Variants in ZNF727 observed in about 807,000 individuals in gnomAD.
ZNF727 encodes putative zinc finger protein 727.
A neutral mutation model predicts 11.5 loss-of-function variants in ZNF727; 11 were observed. The ratio of observed to expected loss-of-function variants is 0.95; its 90% CI spans 0.60 to 1.58. ZNF727 has a LOEUF of 1.58. Ranked by LOEUF, ZNF727 falls within the 40% of genes most tolerant of loss-of-function variation. The pLI is 0.00. For missense variants in ZNF727, 533 were observed against 581.7 expected (o/e 0.92, Z 0.86); for synonymous variants, 171 against 196.1 (o/e 0.87, Z 1.07).
chr7:64,066,318 G>A (rs575696115), intron 1 of ZNF727, among the ~76,000 whole-genome samples: 26 of 152,054 alleles, frequency 1.7e-4, no homozygotes, highest in Non-Finnish European at 3.4e-4. Context: ...AATTTTATAT[G>A]GAACCAAAAA....
At chr7:64,064,026 T>C (rs1789823742) in intron 1 of ZNF727, among the ~76,000 whole-genome samples, 1 of 152,100 alleles carries the variant, frequency 6.6e-6, no homozygotes, top group South Asian at 2.1e-4. Context: ...TTCAGGGCAG[T>C]GGGTTCTTCT....
chr7:64,077,987 A>T lies in ZNF727; in HGVS notation c.938A>T (p.Lys313Ile). The change falls in exon 4 of 4, where the codon AAA becomes ATA. Residue 313 changes from lysine to isoleucine, a missense_variant. Lys to Ile is a moderately radical substitution (Grantham distance 102). This residue lies in a region of ZNF727 where 463 missense variants were observed against 494.5 expected (regional missense o/e 0.94). Transcript: ENST00000456806. ...KRIHTGEKPYKCNECGKAFMW... is the reference protein window; with the variant it reads ...KRIHTGEKPYICNECGKAFMW... ...ATTCATACTGGAGAGAAACCCTACA[A>T]ATGTAATGAATGTGGAAAAGCTTTT... The T allele has an allele frequency of 6.2e-7, 1 of 1,601,412 alleles. No individual in the cohort carries two copies. Among genetic ancestry groups the T allele is most frequent in the Non-Finnish European group, 8.5e-7 (1 of 1,173,468 alleles).
rs1562800110 is a variant in ZNF727, at chr7:64,080,892, G to GTTTTTGT, written c.*2348_*2349insGTTTTTT. Among the ~76,000 whole-genome samples, 136 of 139,618 alleles carry GTTTTTGT rather than the reference G, an allele frequency of 9.7e-4. No homozygotes were observed. The highest frequency in any genetic ancestry group is 3.2e-3 in the African/African-American group (122 of 37,692). The allele number at this position is 139,618 out of a possible 152,430, so 91.6% of individuals were successfully genotyped here. A position where few individuals can be genotyped will look rare whatever the true frequency, so the allele number is the denominator to read the frequency against. On this transcript the variant is annotated 3_prime_UTR_variant, in exon 4 of 4. Transcript: ENST00000456806. The stretch of plus-strand genomic sequence containing the variant: ...TTTTTGTTTTTTGTTTTTTGTTTTT[G>GTTTTTGT]TTTTTTTTTTTGTGGTGGTGGAGGG...
chr7:64,059,287 G>A (rs1385369835), intron 1 of ZNF727, among the ~76,000 whole-genome samples: 1 of 152,090 alleles, frequency 6.6e-6, no homozygotes, highest in African/African-American at 2.4e-5. Context: ...TACACTCTTA[G>A]GTTGAAAAGG....
intron 1 of ZNF727, among the ~76,000 whole-genome samples, chr7:64,045,865 A>C (rs140862834): frequency 1.3e-5 from 2 of 152,232 alleles, no homozygotes; most frequent in East Asian, 3.9e-4. Context: ...CTTTTTGGGC[A>C]GCTCTGTGTC....
intron 1 of ZNF727, among the ~76,000 whole-genome samples, chr7:64,060,852 C>T (rs1789759361): frequency 6.6e-6 from 1 of 151,470 alleles, no homozygotes; most frequent in Admixed American, 6.6e-5. Flanking sequence ...CTTAGTACTT[C>T]TTTCACTTAT....
At chr7:64,072,663 A>G (rs2116320004) in intron 3 of ZNF727, among the ~76,000 whole-genome samples, 1 of 152,258 alleles carries the variant, frequency 6.6e-6, no homozygotes, top group African/African-American at 2.4e-5. Flanking sequence ...CTCCTTGACT[A>G]TGGCTGGAAG....
rs1462225606 is a variant in ZNF727 at position 64,080,873 on chromosome 7, TTTTTTGTTTTTTG to T, written c.*2337_*2349del. Among the ~76,000 whole-genome samples the T allele has an allele frequency of 6.6e-6, 1 of 150,816 alleles. No homozygotes were observed. The highest frequency in any genetic ancestry group is 1.5e-5 in the Non-Finnish European group (1 of 67,940). On this transcript the variant is annotated 3_prime_UTR_variant, in exon 4 of 4. Transcript: ENST00000456806. ...AGGCTTTGTTCCTGGGAGTTTTTTG[TTTTTTGTTTTTTG>T]TTTTTGTTTTTTTTTTTGTGGTGGT...
chr7:64,055,880 A>C (rs1789677749), intron 1 of ZNF727, among the ~76,000 whole-genome samples: 1 of 152,226 alleles, frequency 6.6e-6, no homozygotes, highest in Admixed American at 6.5e-5. Flanking sequence ...TTTAGTAATG[A>C]AATAGCTGGA....
chr7:64,047,542 A>G (rs924194992), intron 1 of ZNF727, among the ~76,000 whole-genome samples: 1 of 152,078 alleles, frequency 6.6e-6, no homozygotes, highest in Non-Finnish European at 1.5e-5. Flanking sequence ...TCCAAGTATT[A>G]CAGCTTTCTG....
intron 1 of ZNF727, among the ~76,000 whole-genome samples, chr7:64,067,959 T>C (rs1356550574): frequency 6.6e-6 from 1 of 152,144 alleles, no homozygotes; most frequent in Non-Finnish European, 1.5e-5. Context: ...CATTAGAGAT[T>C]ACAGAACATG....
rs144333465 is a variant in ZNF727, at chr7:64,072,531, A to G, written c.226+2922A>G. ...GCAGAACTGGCCACAAACTGTGACT[A>G]TCGGTGCTGAAACTGAGTCACTGAA... is the stretch of plus-strand genomic sequence containing the variant. On this transcript the variant is annotated intron_variant, in intron 3 of 3. Coordinates refer to ENST00000456806, the MANE Select transcript of ZNF727 (RefSeq NM_001159522.3). Among the ~76,000 whole-genome samples the G allele has an allele frequency of 3.6e-3, 543 of 152,140 alleles. 1 individual carries two copies. Among genetic ancestry groups the G allele is most frequent in the African/African-American group, 0.012 (516 of 41,516 alleles).
chr7:64,057,656 C>T (rs1789706676), intron 1 of ZNF727, among the ~76,000 whole-genome samples: 1 of 151,840 alleles, frequency 6.6e-6, no homozygotes, highest in Non-Finnish European at 1.5e-5. Context: ...CATACATTTA[C>T]CTATGTAACA....
chr7:64,066,207 T>C (rs1477636365), intron 1 of ZNF727, among the ~76,000 whole-genome samples: 2 of 152,138 alleles, frequency 1.3e-5, no homozygotes, highest in African/African-American at 4.8e-5. Context: ...AGAATCAGTA[T>C]CATGAAAATG....
In ZNF727 at chr7:64,081,625, C is replaced by G. The variant is rs1330899721; in HGVS notation, c.*3076C>G. Among the ~76,000 whole-genome samples the G allele has an allele frequency of 1.3e-5, 2 of 152,062 alleles. No individual in the cohort carries two copies. The highest frequency in any genetic ancestry group is 4.8e-5 in the African/African-American group (2 of 41,404). On this transcript the variant is annotated 3_prime_UTR_variant, in exon 4 of 4. Transcript: ENST00000456806. ...CAGTGCAGATGCTATGGTATGGGCTCCTAGGGTACCTGAGACTGCCCTGTA... is the reference window on the plus strand; with the variant it reads ...CAGTGCAGATGCTATGGTATGGGCTGCTAGGGTACCTGAGACTGCCCTGTA...
In ZNF727 at chr7:64,078,063, A is replaced by G; in HGVS notation, c.1014A>G (p.Lys338=). ...SQHNRIHTGE[K]PYICEECGKA... ...ATAACAGAATTCATACTGGAGAGAA[A>G]CCCTACATTTGTGAAGAATGTGGCA... The change falls in exon 4 of 4, where the codon AAA becomes AAG. Residue 338 remains lysine, a synonymous_variant. Coordinates refer to ENST00000456806, the MANE Select transcript of ZNF727 (RefSeq NM_001159522.3). 6.2e-7 allele frequency: 1 copy of G among 1,611,516 alleles called. No individual in the cohort carries two copies.
intron 1 of ZNF727, among the ~76,000 whole-genome samples, chr7:64,062,150 G>C (rs1387094613): frequency 6.6e-6 from 1 of 151,938 alleles, no homozygotes; most frequent in African/African-American, 2.4e-5. Flanking sequence ...GGTAGAGAAA[G>C]AGTTATTTTT....
chr7:64,065,995 G>A (rs771433563), intron 1 of ZNF727, among the ~76,000 whole-genome samples: 13 of 152,170 alleles, frequency 8.5e-5, no homozygotes, highest in African/African-American at 3.1e-4. Context: ...AGGAGACCAT[G>A]TTCTGTTTAG....
At chr7:64,051,205 T>C (rs1367496972) in intron 1 of ZNF727, among the ~76,000 whole-genome samples, 1 of 152,172 alleles carries the variant, frequency 6.6e-6, no homozygotes, top group African/African-American at 2.4e-5. Context: ...GTTGAAGGCA[T>C]ATCTGAACTA....
Sources: allele counts gnomAD v4.1 joint callset (sites outside exome capture counted in the v4.1 genomes callset), GRCh38; gene constraint gnomAD v4.1.1; regional missense constraint gnomAD v4.1.1; transcripts MANE v1.5; gene names NCBI Gene and HGNC (gene_info 2026-07-23, HGNC 2026-07-21).